Variants in GUCY2F observed in about 807,000 individuals in gnomAD.
GUCY2F encodes retinal guanylyl cyclase 2.
GUCY2F carries 61 observed loss-of-function variants against 73.1 expected under a neutral mutation model. That is an observed-to-expected ratio of 0.83 (90% CI 0.68 to 1.03). The LOEUF is 1.03. Ranked by LOEUF, GUCY2F falls within the 50% of genes least tolerant of loss-of-function variation. The pLI is 0.00. For missense variants in GUCY2F, 912 were observed against 854.3 expected, an observed-to-expected ratio of 1.07 and a Z score of -0.84; for synonymous variants, 331 against 307.8, an observed-to-expected ratio of 1.08 and a Z score of -0.79.
chrX:109,397,541 T>C lies in GUCY2F; in HGVS notation c.2275+1008A>G, dbSNP rs189073019. On this transcript the variant is annotated intron_variant, in intron 11 of 19. Transcript: ENST00000218006. The stretch of plus-strand genomic sequence containing the variant: ...TTCACTCAGCTTCCCCTATTGTTAA[T>C]AACTTACAGAAAAATAGTACAAAGG... 7.1e-5 allele frequency among the ~76,000 whole-genome samples: 8 copies of C among 112,559 alleles called. No homozygotes were observed. The Admixed American group carries it at 7.5e-4, about 11-fold the overall frequency.
chrX:109,430,858 A>T (rs1931594261), intron 7 of GUCY2F, among the ~76,000 whole-genome samples: 2 of 111,086 alleles, frequency 1.8e-5, no homozygotes, highest in Non-Finnish European at 1.9e-5. Flanking sequence ...ATTTACCTTG[A>T]TCCATTTTTC....
At chrX:109,450,081 C>T (rs1222931011) in intron 5 of GUCY2F, among the ~76,000 whole-genome samples, 1 of 111,010 alleles carries the variant, frequency 9.0e-6, no homozygotes, top group Non-Finnish European at 1.9e-5. Context: ...ATCTTTTGTG[C>T]TTTGTTAGCT....
chrX:109,391,827 T>G (rs1371946722), intron 14 of GUCY2F, 84 bp downstream of exon 14: 1 of 541,898 alleles, frequency 1.8e-6, no homozygotes, highest in Non-Finnish European at 2.9e-6. Context: ...TCCATAAATT[T>G]TATTCTTCAA....
chrX:109,477,789 G>A (rs1932726750), intron 1 of GUCY2F, among the ~76,000 whole-genome samples: 1 of 112,325 alleles, frequency 8.9e-6, no homozygotes, highest in Non-Finnish European at 1.9e-5. Context: ...TGCCAGCCCT[G>A]TTGGTTATTA....
At chrX:109,389,943 C>T (rs1375840591) in intron 14 of GUCY2F, among the ~76,000 whole-genome samples, 3 of 111,772 alleles carry the variant, frequency 2.7e-5, no homozygotes, top group African/African-American at 9.8e-5. Context: ...AACATGTTTC[C>T]ATCCAAGGTC....
chrX:109,402,155 C>T (rs772642050), intron 10 of GUCY2F, among the ~76,000 whole-genome samples: 1 of 111,135 alleles, frequency 9.0e-6, no homozygotes, highest in Non-Finnish European at 1.9e-5. Flanking sequence ...AATGGACTGA[C>T]CATCCATACT....
At chrX:109,464,522 C>G (rs750012111) in intron 3 of GUCY2F, among the ~76,000 whole-genome samples, 14 of 112,189 alleles carry the variant, frequency 1.2e-4, no homozygotes, top group Admixed American at 2.8e-4. Context: ...TAGCTCAGCC[C>G]CTCCTGTCTT....
chrX:109,398,692 A>G lies in GUCY2F; in HGVS notation c.2132T>C (p.Leu711Pro). 8.3e-7 allele frequency: 1 copy of G among 1,208,374 alleles called. No homozygotes were observed. Among genetic ancestry groups the G allele is most frequent in the Non-Finnish European group, 1.1e-6 (1 of 893,340 alleles). ...SEEESSMEELLWTAPELLRAP... is the reference protein window; with the variant it reads ...SEEESSMEELPWTAPELLRAP... ...TCTCAACAGTTCAGGGGCCGTCCAC[A>G]GCAGCTCTAAAAAGAAAGCATTGTG... The change falls in exon 11 of 20, where the codon CTG (leucine) becomes CCG (proline). Residue 711 changes from leucine to proline, a missense_variant. Leu to Pro is a moderately conservative substitution (Grantham distance 98, BLOSUM62 -3). Transcript: ENST00000218006.
At chrX:109,419,063 A>T (rs937499481) in intron 8 of GUCY2F, among the ~76,000 whole-genome samples, 3 of 110,682 alleles carry the variant, frequency 2.7e-5, no homozygotes, top group Admixed American at 9.6e-5. Context: ...TAAGAGCCCT[A>T]TATTTAGCAA....
chrX:109,429,019 T>C, intron 8 of GUCY2F, among the ~76,000 whole-genome samples: 1 of 112,102 alleles, frequency 8.9e-6, no homozygotes, highest in Non-Finnish European at 1.9e-5. Flanking sequence ...ACGAAACCAG[T>C]GTAGAATTGT....
At chrX:109,434,588 C>G (rs1278461551) in intron 7 of GUCY2F, among the ~76,000 whole-genome samples, 2 of 110,266 alleles carry the variant, frequency 1.8e-5, no homozygotes, top group Admixed American at 1.9e-4. Context: ...CCTGTTCACT[C>G]TGATGGTAGT....
Position 109,435,735 on chromosome X carries a change from G to A in GUCY2F, c.1702-5339C>T, listed in dbSNP as rs1931728619. 2.7e-5 allele frequency among the ~76,000 whole-genome samples: 3 copies of A among 111,587 alleles called. No homozygotes were observed. In the Admixed American group the frequency reaches 2.9e-4, roughly 11 times the overall value. On this transcript the variant is annotated intron_variant, in intron 7 of 19. Transcript: ENST00000218006. ...TTCAAAGCCAATGCTTCCAGTTTTT[G>A]CCCATTCAGTATGATATTGGCTGTG...
chrX:109,460,556 T>C, intron 3 of GUCY2F, among the ~76,000 whole-genome samples: 1 of 111,635 alleles, frequency 9.0e-6, no homozygotes, highest in Non-Finnish European at 1.9e-5. Flanking sequence ...GATGAAATAA[T>C]GACTTTTCGG....
chrX:109,411,238 C>T (rs1235411291), intron 8 of GUCY2F, among the ~76,000 whole-genome samples: 2 of 92,475 alleles, frequency 2.2e-5, no homozygotes, highest in East Asian at 7.3e-4. Context: ...ACTGATAACT[C>T]ATAGTTACTC....
chrX:109,444,184 A>G (rs945610148), intron 6 of GUCY2F, among the ~76,000 whole-genome samples: 3 of 112,094 alleles, frequency 2.7e-5, no homozygotes, highest in Non-Finnish European at 5.6e-5. Flanking sequence ...GCTTTCAGCA[A>G]TATGTTTCCA....
At chrX:109,441,269 T>C in intron 7 of GUCY2F, 82 bp downstream of exon 7, 2 of 587,331 alleles carry the variant, frequency 3.4e-6, no homozygotes, top group African/African-American at 2.3e-5. Flanking sequence ...CCAGTATTTT[T>C]ACCCAAAGAC....
intron 8 of GUCY2F, among the ~76,000 whole-genome samples, chrX:109,414,747 G>C (rs1167515622): frequency 8.9e-6 from 1 of 111,953 alleles, no homozygotes; most frequent in Non-Finnish European, 1.9e-5. Context: ...ATTGATCTGG[G>C]AGTTAAAAGA....
intron 2 of GUCY2F, among the ~76,000 whole-genome samples, chrX:109,474,060 T>A (rs1490412715): frequency 8.9e-6 from 1 of 111,996 alleles, no homozygotes; most frequent in Non-Finnish European, 1.9e-5. Context: ...AACTAAAAAC[T>A]CCTCTTGCCC....
At chrX:109,374,400 G>A (rs963455312) in intron 19 of GUCY2F, among the ~76,000 whole-genome samples, 10 of 111,645 alleles carry the variant, frequency 9.0e-5, no homozygotes, top group Non-Finnish European at 1.7e-4. Flanking sequence ...TCTGTCAAGG[G>A]GTTCCAGATG....
Sources: gnomAD v4.1 joint callset for allele counts (sites outside exome capture counted in the v4.1 genomes callset) on GRCh38, gnomAD v4.1.1 for gene constraint, MANE v1.5 for transcripts, NCBI Gene and HGNC (gene_info 2026-07-23, HGNC 2026-07-21) for gene names.